ADAMTS19: variants seen among roughly 807,000 people sequenced by gnomAD.
The protein encoded by ADAMTS19 is ADAM metallopeptidase with thrombospondin type 1 motif 19.
A neutral mutation model predicts 153.3 loss-of-function variants in ADAMTS19; 93 were observed. That is an observed-to-expected ratio of 0.61 (90% confidence interval 0.51 to 0.72). ADAMTS19 has a LOEUF of 0.72. Ranked by LOEUF, ADAMTS19 falls within the 30% of genes least tolerant of loss-of-function variation. The probability of loss-of-function intolerance (pLI) is 0.00; values close to 1 mark genes in which losing one functional copy is unlikely to be tolerated. For missense variants in ADAMTS19, 1,482 were observed against 1,552.1 expected (o/e 0.95, Z 0.76); for synonymous variants, 600 against 556.6 (o/e 1.08, Z -1.10).
chr5:129,578,063 C>A (rs2126877765), intron 7 of ADAMTS19, among the ~76,000 whole-genome samples: 1 of 139,924 alleles, frequency 7.1e-6, no homozygotes, highest in South Asian at 2.4e-4. Context: ...CACACACACA[C>A]ACACACACAC....
At chr5:129,608,320 G>T (rs1486928707) in intron 8 of ADAMTS19, among the ~76,000 whole-genome samples, 1 of 151,592 alleles carries the variant, frequency 6.6e-6, no homozygotes, top group Non-Finnish European at 1.5e-5. Flanking sequence ...ACAGAAGAAT[G>T]GTGGTTACCA....
intron 2 of ADAMTS19, among the ~76,000 whole-genome samples, chr5:129,483,902 G>A (rs12188507): frequency 6.6e-6 from 1 of 151,998 alleles, no homozygotes; most frequent in Non-Finnish European, 1.5e-5. Context: ...GTCTTTGAAT[G>A]GGGGGTGGGG....
intron 8 of ADAMTS19, among the ~76,000 whole-genome samples, chr5:129,610,576 G>C (rs1349802065): frequency 1.3e-5 from 2 of 152,066 alleles, no homozygotes; most frequent in African/African-American, 4.8e-5. Flanking sequence ...TGCTGAGAAT[G>C]ATGGTTTTCA....
Position 129,620,628 on chromosome 5 carries a change from A to T in ADAMTS19, c.1489A>T (p.Asn497Tyr). 6.2e-7 allele frequency: 1 copy of T among 1,603,266 alleles called. No individual in the cohort carries two copies. The highest frequency in any genetic ancestry group is 8.5e-7 in the Non-Finnish European group (1 of 1,174,384). ...TATATTCCAAATCAGCATGGGCATT[A>T]ACCATGACAATGACCACCCATCGTG... ...AHEMGHNMGI[N>Y]HDNDHPSCAD... The change falls in exon 9 of 23, where the codon AAC (asparagine) becomes TAC (tyrosine). Residue 497 changes from asparagine to tyrosine, a missense_variant. Transcript: ENST00000274487.
intron 8 of ADAMTS19, among the ~76,000 whole-genome samples, chr5:129,612,779 G>A (rs1265533838): frequency 1.3e-5 from 2 of 152,112 alleles, no homozygotes; most frequent in Non-Finnish European, 2.9e-5. Context: ...TCAGTGTGCT[G>A]TATTCAGGAA....
intron 16 of ADAMTS19, 30 bp from the exon 17 acceptor site, chr5:129,679,734 T>C (rs375783684): frequency 4.5e-6 from 7 of 1,542,204 alleles, no homozygotes; most frequent in Non-Finnish European, 5.3e-6. Context: ...GACTTGTTAA[T>C]ACTCATTATA....
At chr5:129,679,457 A>G (rs1473099155) in intron 16 of ADAMTS19, among the ~76,000 whole-genome samples, 1 of 152,206 alleles carries the variant, frequency 6.6e-6, no homozygotes, top group Non-Finnish European at 1.5e-5. Context: ...TGAATATAGT[A>G]ATGTGTTAAA....
intron 2 of ADAMTS19, among the ~76,000 whole-genome samples, chr5:129,499,384 G>T (rs1751028199): frequency 6.6e-6 from 1 of 152,030 alleles, no homozygotes; most frequent in African/African-American, 2.4e-5. Context: ...CACTTGACCA[G>T]TCTTCACCAC....
intron 20 of ADAMTS19, 75 bp from the exon 21 acceptor site, chr5:129,704,164 C>A: frequency 1.4e-6 from 2 of 1,455,508 alleles, no homozygotes; most frequent in Non-Finnish European, 9.4e-7. Context: ...TATTGGAAAC[C>A]AGTACTTAAT....
intron 9 of ADAMTS19, among the ~76,000 whole-genome samples, chr5:129,621,371 A>T (rs538388235): frequency 6.6e-6 from 1 of 152,288 alleles, no homozygotes; most frequent in Non-Finnish European, 1.5e-5. Context: ...CAATATGCAA[A>T]GTAGTTAGTG....
chr5:129,643,431 A>G (rs1752916164), intron 11 of ADAMTS19, among the ~76,000 whole-genome samples: 1 of 151,690 alleles, frequency 6.6e-6, no homozygotes, highest in African/African-American at 2.4e-5. Flanking sequence ...AAGTGTAATT[A>G]GAAGTTACCT....
At chr5:129,619,561 C>G (rs1000459762) in intron 8 of ADAMTS19, among the ~76,000 whole-genome samples, 1 of 151,828 alleles carries the variant, frequency 6.6e-6, no homozygotes, top group Non-Finnish European at 1.5e-5. Flanking sequence ...TGGAAATTGT[C>G]TTATGGATAA....
intron 6 of ADAMTS19, among the ~76,000 whole-genome samples, chr5:129,549,657 T>C (rs1273952386): frequency 1.3e-5 from 2 of 151,352 alleles, no homozygotes; most frequent in South Asian, 2.1e-4. Context: ...CAATCCAGTA[T>C]TGATTATTCT....
chr5:129,608,408 G>A (rs1191007730), intron 8 of ADAMTS19, among the ~76,000 whole-genome samples: 1 of 151,854 alleles, frequency 6.6e-6, no homozygotes, highest in East Asian at 2.0e-4. Context: ...ATAAGTACTG[G>A]AGGCCTAATG....
intron 6 of ADAMTS19, among the ~76,000 whole-genome samples, chr5:129,548,946 T>C (rs1581071164): frequency 6.9e-6 from 1 of 144,440 alleles, no homozygotes; most frequent in Non-Finnish European, 1.5e-5. Flanking sequence ...AAACAGCACA[T>C]GTTCTCACTC....
intron 19 of ADAMTS19, among the ~76,000 whole-genome samples, chr5:129,698,627 T>C (rs963152557): frequency 3.3e-5 from 5 of 152,222 alleles, no homozygotes; most frequent in African/African-American, 1.2e-4. Flanking sequence ...AGTAACTTTT[T>C]ATAATTATAT....
intron 3 of ADAMTS19, among the ~76,000 whole-genome samples, chr5:129,510,555 C>T (rs1027530034): frequency 1.3e-5 from 2 of 151,622 alleles, no homozygotes; most frequent in East Asian, 1.9e-4. Context: ...TGTAGCATTA[C>T]GAACAAGCAA....
In ADAMTS19 at chr5:129,737,503, GT is replaced by G. The variant is rs1237259861; in HGVS notation, c.*289del. 5.0e-6 allele frequency: 1 copy of G among 201,266 alleles called. No homozygotes were observed. 12.5% of individuals were successfully genotyped at this position (201,266 alleles called of 1,614,324 possible). On this transcript the variant is annotated 3_prime_UTR_variant, in exon 23 of 23. Coordinates refer to ENST00000274487, the MANE Select transcript of ADAMTS19 (RefSeq NM_133638.6). ...AAATAGATCATTATACTTAAAACAA[GT>G]TTTCGTTGTTTGTTAGGGCTATCTC...
At chr5:129,664,948 A>C (rs1397147956) in intron 15 of ADAMTS19, among the ~76,000 whole-genome samples, 1 of 152,130 alleles carries the variant, frequency 6.6e-6, no homozygotes, top group East Asian at 1.9e-4. Context: ...AAATGACCCT[A>C]GATTGCTTGG....
Sources: allele counts gnomAD v4.1 joint callset (sites outside exome capture counted in the v4.1 genomes callset), GRCh38; gene constraint gnomAD v4.1.1; transcripts MANE v1.5; gene names NCBI Gene and HGNC (gene_info 2026-07-23, HGNC 2026-07-21).